Variants in TSNARE1 observed in about 807,000 individuals in gnomAD.
TSNARE1 encodes t-SNARE domain containing 1.
Under a neutral mutation model 62.0 loss-of-function variants are expected in TSNARE1, and 49 were observed. The ratio of observed to expected loss-of-function variants is 0.79; its 90% CI spans 0.63 to 1.00. TSNARE1 has a LOEUF of 1.00. Among genes scored for constraint, TSNARE1 ranks in the 50% least tolerant of loss-of-function variants. The probability of loss-of-function intolerance (pLI) is 0.00; values close to 1 mark genes in which losing one functional copy is unlikely to be tolerated. For synonymous variants in TSNARE1, 328 were observed against 294.4 expected, an observed-to-expected ratio of 1.11 and a Z score of -1.17; for missense variants, 755 against 700.1, an observed-to-expected ratio of 1.08 and a Z score of -0.88.
rs373385787 is a variant in TSNARE1, at chr8:142,229,460, G to C, written c.*11+13C>G. ...AGATGAATGGATGGTGTACGGGTAG[G>C]TGGGGTACTCACCACGGGTAGCATC... On this transcript the variant is annotated intron_variant, in intron 13 of 13. Coordinates refer to ENST00000524325, the MANE Select transcript of TSNARE1 (RefSeq NM_145003.5). 1 of 1,603,056 alleles carries C rather than the reference G, an allele frequency of 6.2e-7. No homozygotes were observed. Among genetic ancestry groups the C allele is most frequent in the African/African-American group, 1.3e-5 (1 of 74,828 alleles).
rs79900377 is a variant in TSNARE1 at position 142,374,947 on chromosome 8, C to T, written c.-39-20184G>A. On this transcript the variant is annotated intron_variant, in intron 1 of 13. Transcript: ENST00000524325. ...TTGACAGAACCCGCCAGGGACCCGG[C>T]GCCAGGCAGGTGCCCAAGCACCATT... Among the ~76,000 whole-genome samples, 1,181 of 152,294 alleles carry T rather than the reference C, an allele frequency of 7.8e-3. 22 individuals carry two copies. Among genetic ancestry groups the T allele is most frequent in the African/African-American group, 0.027 (1,130 of 41,562 alleles).
At chr8:142,287,684 C>G (rs1191942273) in intron 10 of TSNARE1, among the ~76,000 whole-genome samples, 1 of 131,984 alleles carries the variant, frequency 7.6e-6, no homozygotes, top group African/African-American at 3.0e-5. Context: ...AGGACCCCGG[C>G]CAGATCTCAG....
At chr8:142,358,330 T>G (rs548089794) in intron 1 of TSNARE1, among the ~76,000 whole-genome samples, 2 of 151,952 alleles carry the variant, frequency 1.3e-5, no homozygotes, top group African/African-American at 2.4e-5. Flanking sequence ...CTGCTAGGTT[T>G]CAGGACAAGG....
intron 7 of TSNARE1, among the ~76,000 whole-genome samples, chr8:142,315,960 C>T (rs1245573904): frequency 6.6e-6 from 1 of 152,242 alleles, no homozygotes; most frequent in African/African-American, 2.4e-5. Context: ...ACCCACCAAG[C>T]CGCGTGAAGG....
In TSNARE1 at chr8:142,354,013, C is replaced by T. The variant is rs1050228869; in HGVS notation, c.88+624G>A. On this transcript the variant is annotated intron_variant, in intron 2 of 13. Coordinates refer to ENST00000524325, the MANE Select transcript of TSNARE1 (RefSeq NM_145003.5). Reference sequence around the variant, plus strand: ...CCAGACATCACCTACATGACCCAGGCCTGCCCACGTGAAGGGCCGGATGTG... The same window carrying T: ...CCAGACATCACCTACATGACCCAGGTCTGCCCACGTGAAGGGCCGGATGTG... 2.0e-5 allele frequency among the ~76,000 whole-genome samples: 3 copies of T among 152,112 alleles called. No homozygotes were observed. In the East Asian group the frequency reaches 5.8e-4, roughly 29 times the overall value.
intron 12 of TSNARE1, chr8:142,271,563 G>A: frequency 1.4e-6 from 2 of 1,403,558 alleles, no homozygotes; most frequent in Non-Finnish European, 1.8e-6. Context: ...GAAGCAGGTG[G>A]GGAGGGTGAG....
chr8:142,382,063 C>G (rs991620062), intron 1 of TSNARE1, among the ~76,000 whole-genome samples: 1 of 152,164 alleles, frequency 6.6e-6, no homozygotes, highest in Non-Finnish European at 1.5e-5. Context: ...CAGGCCCACG[C>G]GCCCCTGCCA....
At chr8:142,300,763 G>GGTCGATCTGGGTCTGAGGC in intron 9 of TSNARE1, 119 bp from the exon 10 acceptor site, 1 of 1,212,112 alleles carries the variant, frequency 8.3e-7, no homozygotes, top group Non-Finnish European at 1.1e-6. Context: ...CTCTCTGAGG[G>GGTCGATCTGGGTCTGAGGC]GACGATCTGG....
At position 142,378,874 on chromosome 8, in the gene TSNARE1, G is replaced by T. The variant is rs148846840; in HGVS notation, c.-39-24111C>A. ...GCAGGCCCAGCACCCTTGGTTCCAC[G>T]GCAGCCTCTGAGTGTGAGCTCCTCT... On this transcript the variant is annotated intron_variant, in intron 1 of 13. Coordinates refer to ENST00000524325, the MANE Select transcript of TSNARE1 (RefSeq NM_145003.5). 7.8e-3 allele frequency among the ~76,000 whole-genome samples: 1,181 copies of T among 152,266 alleles called. 25 individuals carry two copies. The highest frequency in any genetic ancestry group is 0.074 in the South Asian group (356 of 4,818).
intron 12 of TSNARE1, among the ~76,000 whole-genome samples, chr8:142,239,099 CA>C (rs1817569932): frequency 6.6e-6 from 1 of 152,192 alleles, no homozygotes; most frequent in African/African-American, 2.4e-5. Flanking sequence ...GAAAGGCCCC[CA>C]GGAAGGGGGA....
rs541702140 is a variant in TSNARE1, at chr8:142,272,827, G to A, written c.1446+1954C>T. The stretch of plus-strand genomic sequence containing the variant: ...ACCGTGGGGAGGGCCCCTCGCAGGC[G>A]GGAACAGGACATTCTATGCAGAGGC... On this transcript the variant is annotated intron_variant, in intron 12 of 13. Transcript: ENST00000524325. The A allele has an allele frequency of 2.7e-5, 27 of 982,672 alleles. No individual in the cohort carries two copies. In the South Asian group the frequency reaches 3.3e-4, roughly 12 times the overall value. 60.9% of individuals were successfully genotyped at this position (982,672 alleles called of 1,614,324 possible). A position where few individuals can be genotyped will look rare whatever the true frequency, so the allele number is the denominator to read the frequency against.
chr8:142,213,728 G>T (rs773618475), intron 13 of TSNARE1, among the ~76,000 whole-genome samples: 1 of 152,310 alleles, frequency 6.6e-6, no homozygotes, highest in East Asian at 1.9e-4. Flanking sequence ...GCAGGGAGGC[G>T]AGGGGAGGGT....
At chr8:142,284,571 G>C in intron 10 of TSNARE1, 86 bp from the exon 11 acceptor site, 5 of 1,145,306 alleles carry the variant, frequency 4.4e-6, no homozygotes, top group African/African-American at 1.5e-5. Flanking sequence ...GGAACCTGGG[G>C]CGGGCCCAGG....
At chr8:142,249,161 C>A (rs1401225359) in intron 12 of TSNARE1, among the ~76,000 whole-genome samples, 3 of 152,262 alleles carry the variant, frequency 2.0e-5, no homozygotes, top group African/African-American at 7.2e-5. Flanking sequence ...ATTGGCTTGA[C>A]CCCAATTTAT....
intron 9 of TSNARE1, among the ~76,000 whole-genome samples, chr8:142,309,778 T>C (rs1827278850): frequency 6.6e-6 from 1 of 152,200 alleles, no homozygotes; most frequent in African/African-American, 2.4e-5. Context: ...CAAGGTGTGC[T>C]TCCTCCTGCC....
At chr8:142,308,614 A>G (rs926180931) in intron 9 of TSNARE1, among the ~76,000 whole-genome samples, 3 of 152,068 alleles carry the variant, frequency 2.0e-5, no homozygotes, top group African/African-American at 7.2e-5. Context: ...TGGTGTGTCC[A>G]CGGGCTGGTG....
intron 11 of TSNARE1, chr8:142,278,758 AG>A (rs1820917080): frequency 2.0e-6 from 2 of 985,390 alleles, no homozygotes; most frequent in South Asian, 4.7e-5. Flanking sequence ...CGTGCCTGAC[AG>A]GCTGAGAGTC....
chr8:142,274,706 C>G, intron 12 of TSNARE1, 75 bp downstream of exon 12: 1 of 1,410,164 alleles, frequency 7.1e-7, no homozygotes, highest in Non-Finnish European at 9.3e-7. Flanking sequence ...CCCCTCCAGA[C>G]AGACGGAGGG....
chr8:142,337,960 C>T (rs941585064), intron 4 of TSNARE1, among the ~76,000 whole-genome samples: 2 of 152,226 alleles, frequency 1.3e-5, no homozygotes, highest in Non-Finnish European at 2.9e-5. Flanking sequence ...AAGGGAGGTC[C>T]AGAGAGGGCC....
Sources: gnomAD v4.1 joint callset for allele counts (sites outside exome capture counted in the v4.1 genomes callset) on GRCh38, gnomAD v4.1.1 for gene constraint, MANE v1.5 for transcripts, NCBI Gene and HGNC (gene_info 2026-07-23, HGNC 2026-07-21) for gene names.